The following DDR2 variants were observed in gnomAD, a reference collection of about 807,000 sequenced individuals.
The protein encoded by DDR2 is discoidin domain-containing receptor 2.
A neutral mutation model predicts 94.9 loss-of-function variants in DDR2; 27 were observed. The observed-to-expected ratio is 0.28, with a 90% CI of 0.21 to 0.39. DDR2 has a LOEUF of 0.39. DDR2 is among the 10% of genes least tolerant of loss of function. The pLI is 1.00. For synonymous variants in DDR2, 382 were observed against 377.2 expected, an observed-to-expected ratio of 1.01 and a Z score of -0.15; for missense variants, 783 against 1,076.0, an observed-to-expected ratio of 0.73 and a Z score of 3.81.
chr1:162,690,432 G>A (rs372752594), intron 2 of DDR2, among the ~76,000 whole-genome samples: 8 of 151,948 alleles, frequency 5.3e-5, no homozygotes, highest in Admixed American at 5.2e-4. Context: ...ATCTCCTCTT[G>A]GGTTCTCATT....
intron 2 of DDR2, among the ~76,000 whole-genome samples, chr1:162,706,133 G>A (rs182325458): frequency 1.1e-4 from 16 of 152,324 alleles, no homozygotes; most frequent in African/African-American, 3.8e-4. Context: ...AGCATAATGT[G>A]TATGACATCT....
chr1:162,732,387 T>G (rs1455543018), intron 3 of DDR2, among the ~76,000 whole-genome samples: 1 of 152,190 alleles, frequency 6.6e-6, no homozygotes, highest in Non-Finnish European at 1.5e-5. Flanking sequence ...GACTACCTTG[T>G]CCTTTCAGAA....
intron 10 of DDR2, among the ~76,000 whole-genome samples, chr1:162,766,673 C>T (rs1000050): frequency 0.71 from 108,448 of 152,040 alleles, 41,453 homozygotes; most frequent in Non-Finnish European, 0.86. Flanking sequence ...CTCACCATTA[C>T]TCTGTCTGAC....
chr1:162,676,790 AG>A (rs1659148940), intron 2 of DDR2, among the ~76,000 whole-genome samples: 1 of 152,162 alleles, frequency 6.6e-6, no homozygotes, highest in Admixed American at 6.5e-5. Context: ...GACGGAAGTG[AG>A]GCTCACTAAG....
chr1:162,698,744 G>A (rs1660301814), intron 2 of DDR2, among the ~76,000 whole-genome samples: 1 of 152,126 alleles, frequency 6.6e-6, no homozygotes, highest in Non-Finnish European at 1.5e-5. Flanking sequence ...TAGGCACTTT[G>A]TAATTTACCA....
At chr1:162,746,414 C>A (rs908714936) in intron 3 of DDR2, among the ~76,000 whole-genome samples, 2 of 152,182 alleles carry the variant, frequency 1.3e-5, no homozygotes, top group Non-Finnish European at 2.9e-5. Context: ...GGCAGCGAGG[C>A]TGGGGGAGGG....
chr1:162,673,757 C>A (rs1476991955), intron 2 of DDR2, among the ~76,000 whole-genome samples: 2 of 151,136 alleles, frequency 1.3e-5, no homozygotes, highest in African/African-American at 4.9e-5. Flanking sequence ...CAAAACAAAA[C>A]AAAAAAACCG....
rs181462486 is a variant in DDR2 at position 162,636,720 on chromosome 1, T to C, written c.-192+4089T>C. Among the ~76,000 whole-genome samples the C allele has an allele frequency of 8.6e-4, 131 of 152,276 alleles. No homozygotes were observed. The Middle Eastern group carries it at 0.01, about 12-fold the overall frequency. On this transcript the variant is annotated intron_variant, in intron 1 of 17. Coordinates refer to ENST00000367921, the MANE Select transcript of DDR2 (RefSeq NM_006182.4). ...TCATTTGAGTTTAGATAAGATAATG[T>C]ATAGGAAACTGGAAAGCACTGTACC... is the stretch of plus-strand genomic sequence containing the variant.
At chr1:162,649,040 C>T (rs1657552766) in intron 1 of DDR2, among the ~76,000 whole-genome samples, 1 of 152,074 alleles carries the variant, frequency 6.6e-6, no homozygotes, top group Non-Finnish European at 1.5e-5. Flanking sequence ...AGTGACATTT[C>T]TGCTTGAGAC....
intron 9 of DDR2, 123 bp downstream of exon 9, chr1:162,761,577 G>A (rs1663748908): frequency 2.7e-6 from 4 of 1,476,842 alleles, no homozygotes; most frequent in Non-Finnish European, 3.7e-6. Flanking sequence ...GCTTCTCATT[G>A]ACGGATACGG....
chr1:162,689,530 G>C (rs1473250416), intron 2 of DDR2, among the ~76,000 whole-genome samples: 1 of 151,716 alleles, frequency 6.6e-6, no homozygotes, highest in Non-Finnish European at 1.5e-5. Context: ...AAAGTACAGA[G>C]TAAAGTAGAA....
At chr1:162,729,293 T>TG (rs1558050581) in intron 3 of DDR2, among the ~76,000 whole-genome samples, 17 of 21,622 alleles carry the variant, frequency 7.9e-4, no homozygotes, top group African/African-American at 3.2e-3. Flanking sequence ...TATATATATA[T>TG]ATATATATTT....
chr1:162,780,222 G>C lies in DDR2; in HGVS notation c.2544G>C (p.Leu848=), dbSNP rs1458825941. 1 of 1,613,896 alleles carries C rather than the reference G, an allele frequency of 6.2e-7. No homozygotes were observed. The highest frequency in any genetic ancestry group is 2.2e-5 in the East Asian group (1 of 44,860). ...CCTCATTCCAAGAAATCCACCTTCT[G>C]CTCCTTCAACAAGGCGACGAGTGAT... is the stretch of plus-strand genomic sequence containing the variant. ...NRPSFQEIHL[L]LLQQGDE Residue 848 remains leucine, a synonymous_variant, in exon 18 of 18, where the codon CTG becomes CTC. Coordinates refer to ENST00000367921, the MANE Select transcript of DDR2 (RefSeq NM_006182.4).
intron 1 of DDR2, among the ~76,000 whole-genome samples, chr1:162,639,780 A>G (rs1400043169): frequency 6.6e-6 from 1 of 152,216 alleles, no homozygotes; most frequent in East Asian, 1.9e-4. Flanking sequence ...CGACAGTGCA[A>G]AAGTGATACT....
chr1:162,761,710 A>T (rs1311357330), intron 9 of DDR2, among the ~76,000 whole-genome samples: 1 of 152,220 alleles, frequency 6.6e-6, no homozygotes, highest in South Asian at 2.1e-4. Context: ...TGTGTTAAAA[A>T]TTTTATATAA....
intron 3 of DDR2, among the ~76,000 whole-genome samples, chr1:162,723,398 G>A (rs1362075684): frequency 2.0e-5 from 3 of 152,162 alleles, no homozygotes; most frequent in African/African-American, 7.2e-5. Context: ...ATGGGAAAGA[G>A]ACCCCACAAT....
intron 1 of DDR2, among the ~76,000 whole-genome samples, chr1:162,648,935 G>A (rs1013141998): frequency 6.6e-6 from 1 of 152,224 alleles, no homozygotes; most frequent in African/African-American, 2.4e-5. Flanking sequence ...TACTGGCAGA[G>A]CAGATGGCTC....
chr1:162,747,156 C>T (rs115522968), intron 3 of DDR2, among the ~76,000 whole-genome samples: 1,548 of 152,200 alleles, frequency 0.01, 22 homozygotes, highest in African/African-American at 0.034. Flanking sequence ...CAAGGATGGA[C>T]GGAGAATGAC....
At chr1:162,743,751 G>T (rs191020940) in intron 3 of DDR2, among the ~76,000 whole-genome samples, 33 of 152,292 alleles carry the variant, frequency 2.2e-4, no homozygotes, top group African/African-American at 7.7e-4. Flanking sequence ...CATTAAAAAT[G>T]CACAAGTTGG....
Sources: allele counts gnomAD v4.1 joint callset (sites outside exome capture counted in the v4.1 genomes callset), GRCh38; gene constraint gnomAD v4.1.1; transcripts MANE v1.5; gene names NCBI Gene and HGNC (gene_info 2026-07-23, HGNC 2026-07-21).